Variants in KCNK1 observed in about 807,000 individuals in gnomAD.
KCNK1 encodes potassium channel subfamily K member 1.
Under a neutral mutation model 22.2 loss-of-function variants are expected in KCNK1, and 10 were observed. The observed-to-expected ratio is 0.45, with a 90% CI of 0.28 to 0.76. The LOEUF (loss-of-function observed/expected upper bound fraction) is 0.76, where lower values mean the gene tolerates loss of function less well. KCNK1 is among the 30% of genes least tolerant of loss of function. The pLI, the probability that KCNK1 is intolerant of heterozygous loss-of-function variation, is 0.14. For synonymous variants in KCNK1, 200 were observed against 186.4 expected, an observed-to-expected ratio of 1.07 and a Z score of -0.60; for missense variants, 378 against 421.0, an observed-to-expected ratio of 0.90 and a Z score of 0.89.
chr1:233,636,091 A>G (rs1657891570), intron 1 of KCNK1, among the ~76,000 whole-genome samples: 1 of 152,216 alleles, frequency 6.6e-6, no homozygotes, highest in African/African-American at 2.4e-5. Flanking sequence ...CTGGAGCTGA[A>G]TAAACAGTGG....
intron 1 of KCNK1, among the ~76,000 whole-genome samples, chr1:233,639,142 A>G (rs1657962076): frequency 6.6e-6 from 1 of 152,250 alleles, no homozygotes; most frequent in South Asian, 2.1e-4. Flanking sequence ...ATGATCCTGA[A>G]TTAGGACAAA....
intron 1 of KCNK1, among the ~76,000 whole-genome samples, chr1:233,626,227 G>A (rs746403784): frequency 7.2e-5 from 11 of 152,202 alleles, no homozygotes; most frequent in Non-Finnish European, 1.5e-4. Context: ...TGGATTGGAT[G>A]TGAGGGGTAA....
intron 1 of KCNK1, chr1:233,660,405 C>T (rs576619712): frequency 3.3e-5 from 5 of 152,220 alleles, no homozygotes; most frequent in African/African-American, 9.6e-5. Flanking sequence ...TTAATTATTG[C>T]CACAGAAACT....
chr1:233,666,513 G>C, intron 1 of KCNK1, 82 bp from the exon 2 acceptor site: 1 of 1,352,102 alleles, frequency 7.4e-7, no homozygotes, highest in Non-Finnish European at 1.0e-6. Flanking sequence ...AATAAGGGCA[G>C]ATGATAGGCA....
At chr1:233,660,288 T>C (rs1232847391) in intron 1 of KCNK1, among the ~76,000 whole-genome samples, 1 of 152,236 alleles carries the variant, frequency 6.6e-6, no homozygotes, top group East Asian at 1.9e-4. Context: ...TGCAATTAGA[T>C]ATTTATTTAT....
chr1:233,663,649 T>G (rs1159783037), intron 1 of KCNK1, among the ~76,000 whole-genome samples: 2 of 152,140 alleles, frequency 1.3e-5, no homozygotes, highest in African/African-American at 2.4e-5. Context: ...CTTAAAGGCC[T>G]TCGTGGAGTC....
intron 1 of KCNK1, among the ~76,000 whole-genome samples, chr1:233,632,231 C>A (rs1306840809): frequency 2.6e-5 from 4 of 152,174 alleles, no homozygotes; most frequent in African/African-American, 9.7e-5. Flanking sequence ...TTAATGATTT[C>A]TTTGATGACA....
intron 1 of KCNK1, among the ~76,000 whole-genome samples, chr1:233,635,348 G>T (rs1169420748): frequency 6.6e-6 from 1 of 152,138 alleles, no homozygotes. Context: ...GTTCCACTGT[G>T]AGCCTGTCTC....
chr1:233,635,388 C>G (rs949275684), intron 1 of KCNK1, among the ~76,000 whole-genome samples: 1 of 152,132 alleles, frequency 6.6e-6, no homozygotes, highest in Non-Finnish European at 1.5e-5. Context: ...TAATAAACAA[C>G]AGATAGTCTT....
At chr1:233,636,330 A>G (rs1558112101) in intron 1 of KCNK1, among the ~76,000 whole-genome samples, 1 of 152,186 alleles carries the variant, frequency 6.6e-6, no homozygotes, top group Admixed American at 6.5e-5. Flanking sequence ...CTGGGAAGCT[A>G]TTACTGTAAT....
At chr1:233,645,776 A>T (rs1327495129) in intron 1 of KCNK1, among the ~76,000 whole-genome samples, 1 of 152,222 alleles carries the variant, frequency 6.6e-6, no homozygotes, top group African/African-American at 2.4e-5. Context: ...GAAATAACAG[A>T]AGCTGATAAA....
chr1:233,668,272 G>T (rs1658533987), intron 2 of KCNK1, among the ~76,000 whole-genome samples: 1 of 152,182 alleles, frequency 6.6e-6, no homozygotes, highest in East Asian at 1.9e-4. Context: ...CAGATGCTCT[G>T]TCTTGGCCCT....
intron 1 of KCNK1, among the ~76,000 whole-genome samples, chr1:233,650,277 C>G (rs1445542525): frequency 6.6e-6 from 1 of 152,168 alleles, no homozygotes; most frequent in Non-Finnish European, 1.5e-5. Context: ...TGTAGTCATT[C>G]TAAACTACAG....
intron 2 of KCNK1, among the ~76,000 whole-genome samples, chr1:233,669,911 T>C (rs1658566090): frequency 6.6e-6 from 1 of 152,228 alleles, no homozygotes. Context: ...GATATTGTTT[T>C]CAAAACCTAT....
intron 1 of KCNK1, among the ~76,000 whole-genome samples, chr1:233,647,568 C>G (rs1445344676): frequency 6.6e-6 from 1 of 152,176 alleles, no homozygotes; most frequent in Non-Finnish European, 1.5e-5. Flanking sequence ...GTCCTCGGTG[C>G]TCTCCTTAGG....
Position 233,643,696 on chromosome 1 carries a change from T to C in KCNK1, c.356-22899T>C, listed in dbSNP as rs200410476. ...AACTGCTTCACTTCTTCTTACTTAG[T>C]GCATGAATGTGGTAGGGCTGGATTC... On this transcript the variant is annotated intron_variant, in intron 1 of 2. Transcript: ENST00000366621. Among the ~76,000 whole-genome samples, 9 of 152,286 alleles carry C rather than the reference T, an allele frequency of 5.9e-5. No individual in the cohort carries two copies. In the East Asian group the frequency reaches 1.7e-3, roughly 29 times the overall value.
At chr1:233,631,225 G>A (rs184743410) in intron 1 of KCNK1, 13 of 523,970 alleles carry the variant, frequency 2.5e-5, no homozygotes, top group East Asian at 1.1e-4. Context: ...GATGGTGACC[G>A]ATTATCATTG....
intron 1 of KCNK1, among the ~76,000 whole-genome samples, chr1:233,655,010 C>T (rs1041688065): frequency 6.6e-6 from 1 of 152,102 alleles, no homozygotes; most frequent in African/African-American, 2.4e-5. Context: ...CAGCCCCAGA[C>T]CTGTAGAGTC....
intron 1 of KCNK1, among the ~76,000 whole-genome samples, chr1:233,614,770 G>T (rs1265069852): frequency 6.6e-6 from 1 of 152,182 alleles, no homozygotes; most frequent in East Asian, 1.9e-4. Flanking sequence ...AAGCCAGAGA[G>T]GTGACTCCAG....
Sources: gnomAD v4.1 joint callset for allele counts (sites outside exome capture counted in the v4.1 genomes callset) on GRCh38, gnomAD v4.1.1 for gene constraint, MANE v1.5 for transcripts, NCBI Gene and HGNC (gene_info 2026-07-23, HGNC 2026-07-21) for gene names.